The following ILRUN variants were observed in gnomAD, a reference collection of about 807,000 sequenced individuals.
The protein encoded by ILRUN is protein ILRUN.
In ILRUN, 3 loss-of-function variants were observed where a neutral mutation model predicts 33.8. That is an observed-to-expected ratio of 0.09 (90% confidence interval 0.04 to 0.23). The LOEUF (loss-of-function observed/expected upper bound fraction) is 0.23, where lower values mean the gene tolerates loss of function less well. Ranked by LOEUF, ILRUN falls within the 10% of genes least tolerant of loss-of-function variation. The pLI, the probability that ILRUN is intolerant of heterozygous loss-of-function variation, is 1.00. For synonymous variants in ILRUN, 124 were observed against 138.9 expected (o/e 0.89, Z 0.75); for missense variants, 210 against 375.1 (o/e 0.56, Z 3.64).
intron 1 of ILRUN, among the ~76,000 whole-genome samples, chr6:34,677,016 A>AAG (rs2127381473): frequency 6.7e-6 from 1 of 150,144 alleles, no homozygotes; most frequent in Non-Finnish European, 1.5e-5. Flanking sequence ...AAAAAAAAAA[A>AAG]GAATTGAAGG....
intron 1 of ILRUN, among the ~76,000 whole-genome samples, chr6:34,682,041 C>CTTTTTTTTTT (rs552894159): frequency 3.3e-4 from 30 of 90,552 alleles, no homozygotes; most frequent in African/African-American, 5.5e-4. Context: ...TATTTTTTTA[C>CTTTTTTTTTT]TTTTTTTTTT....
chr6:34,659,013 T>G (rs1270504619), intron 1 of ILRUN, among the ~76,000 whole-genome samples: 1 of 152,224 alleles, frequency 6.6e-6, no homozygotes, highest in Admixed American at 6.5e-5. Context: ...AACAAATATT[T>G]AATGAACGAG....
At chr6:34,660,342 G>A (rs759507503) in intron 1 of ILRUN, among the ~76,000 whole-genome samples, 1 of 148,498 alleles carries the variant, frequency 6.7e-6, no homozygotes, top group African/African-American at 2.5e-5. Context: ...GAGAAGGAAT[G>A]CCATTAGCTC....
intron 4 of ILRUN, among the ~76,000 whole-genome samples, chr6:34,598,046 A>T (rs966369446): frequency 6.6e-6 from 1 of 152,130 alleles, no homozygotes; most frequent in Admixed American, 6.5e-5. Context: ...ATTCTTTCCT[A>T]TGGATTGGTC....
chr6:34,604,523 G>C (rs1051519631), intron 4 of ILRUN, among the ~76,000 whole-genome samples: 2 of 152,180 alleles, frequency 1.3e-5, no homozygotes, highest in African/African-American at 4.8e-5. Context: ...GGAGCAATTG[G>C]TTGTTTTGCC....
At chr6:34,683,507 TATATATACATATATATATATAC>T (rs1763448050) in intron 1 of ILRUN, among the ~76,000 whole-genome samples, 10 of 74,710 alleles carry the variant, frequency 1.3e-4, no homozygotes, top group African/African-American at 2.4e-4. Flanking sequence ...TACATATATA[TATATATACATATATATATATAC>T]ATATTGCACA....
intron 1 of ILRUN, among the ~76,000 whole-genome samples, chr6:34,680,881 G>A (rs892930059): frequency 6.6e-6 from 1 of 151,522 alleles, no homozygotes; most frequent in Admixed American, 6.6e-5. Flanking sequence ...AGTACACCTG[G>A]AAGAGACCCA....
Position 34,633,834 on chromosome 6 carries a change from G to C in ILRUN, c.511+12767C>G, listed in dbSNP as rs188489594. Among the ~76,000 whole-genome samples the C allele has an allele frequency of 4.2e-3, 587 of 140,958 alleles. 3 individuals are homozygous for C. Among genetic ancestry groups the C allele is most frequent in the African/African-American group, 0.015 (554 of 37,946 alleles). The allele number at this position is 140,958 out of a possible 152,430, so 92.5% of individuals were successfully genotyped here. A position where few individuals can be genotyped will look rare whatever the true frequency, so the allele number is the denominator to read the frequency against. Reference sequence around the variant, plus strand: ...GGAAAAAGAAAAAAGAGAATAGGAAGAGAGGGGAGGGGAGAGGAGGGGAGG... The same window carrying C: ...GGAAAAAGAAAAAAGAGAATAGGAACAGAGGGGAGGGGAGAGGAGGGGAGG... On this transcript the variant is annotated intron_variant, in intron 3 of 4. Transcript: ENST00000374023.
chr6:34,649,131 G>C (rs1762611712), intron 2 of ILRUN, among the ~76,000 whole-genome samples: 1 of 152,184 alleles, frequency 6.6e-6, no homozygotes, highest in Non-Finnish European at 1.5e-5. Context: ...GGCTAGAAGA[G>C]TTATCCACCA....
chr6:34,634,224 A>C (rs960655241), intron 3 of ILRUN, among the ~76,000 whole-genome samples: 10 of 152,216 alleles, frequency 6.6e-5, no homozygotes, highest in African/African-American at 2.2e-4. Context: ...GGAAGTCTCA[A>C]GGGAAATTAG....
intron 1 of ILRUN, among the ~76,000 whole-genome samples, chr6:34,682,328 G>A (rs1442210228): frequency 6.8e-6 from 1 of 147,974 alleles, no homozygotes; most frequent in Admixed American, 6.9e-5. Flanking sequence ...CGCGATCTCG[G>A]CCCACTGCAA....
At chr6:34,692,160 C>T (rs1402311520) in intron 1 of ILRUN, among the ~76,000 whole-genome samples, 2 of 151,968 alleles carry the variant, frequency 1.3e-5, no homozygotes, top group African/African-American at 2.4e-5. Context: ...ATGGAGGTCT[C>T]GCTATCTTGC....
At chr6:34,681,798 T>C (rs1188525741) in intron 1 of ILRUN, among the ~76,000 whole-genome samples, 3 of 150,176 alleles carry the variant, frequency 2.0e-5, no homozygotes, top group Non-Finnish European at 4.4e-5. Context: ...TGTTGCTTAA[T>C]CAGAAGGGAT....
intron 4 of ILRUN, among the ~76,000 whole-genome samples, chr6:34,594,441 ACT>A (rs1761357167): frequency 6.6e-6 from 1 of 152,178 alleles, no homozygotes; most frequent in South Asian, 2.1e-4. Context: ...CCAGAAAAAA[ACT>A]CTGGTATCTG....
intron 1 of ILRUN, among the ~76,000 whole-genome samples, chr6:34,688,360 G>A (rs761140498): frequency 4.8e-4 from 71 of 148,452 alleles, no homozygotes; most frequent in Non-Finnish European, 7.4e-4. Flanking sequence ...CCATGATAGC[G>A]CCAGTGCACT....
At chr6:34,661,459 T>G (rs1324872909) in intron 1 of ILRUN, among the ~76,000 whole-genome samples, 2 of 152,028 alleles carry the variant, frequency 1.3e-5, no homozygotes, top group Non-Finnish European at 2.9e-5. Flanking sequence ...GAGGTGGGGG[T>G]ACTGAGAAAT....
At chr6:34,639,428 TCTGGAAGG>T (rs1441893427) in intron 3 of ILRUN, among the ~76,000 whole-genome samples, 1 of 152,130 alleles carries the variant, frequency 6.6e-6, no homozygotes. Context: ...CCTTTGGAAA[TCTGGAAGG>T]CGGCTCTCTG....
At chr6:34,640,113 T>C (rs768956194) in intron 3 of ILRUN, among the ~76,000 whole-genome samples, 8 of 152,124 alleles carry the variant, frequency 5.3e-5, no homozygotes, top group Non-Finnish European at 1.0e-4. Flanking sequence ...CAGATACTTA[T>C]TAGTCTTGGA....
chr6:34,613,334 C>G (rs1393948979), intron 3 of ILRUN, among the ~76,000 whole-genome samples: 2 of 152,198 alleles, frequency 1.3e-5, no homozygotes, highest in Admixed American at 6.5e-5. Flanking sequence ...CATCCATAAT[C>G]TCAACGATTC....
Sources: allele counts gnomAD v4.1 joint callset (sites outside exome capture counted in the v4.1 genomes callset), GRCh38; gene constraint gnomAD v4.1.1; transcripts MANE v1.5; gene names NCBI Gene and HGNC (gene_info 2026-07-23, HGNC 2026-07-21).